The following CEP85L variants were observed in gnomAD, a reference collection of about 807,000 sequenced individuals.
The protein encoded by CEP85L is centrosomal protein 85L.
Under a neutral mutation model 100.3 loss-of-function variants are expected in CEP85L, and 60 were observed. The ratio of observed to expected loss-of-function variants is 0.60; its 90% confidence interval spans 0.49 to 0.74. The LOEUF (loss-of-function observed/expected upper bound fraction) is 0.74, where lower values mean the gene tolerates loss of function less well. CEP85L is among the 30% of genes least tolerant of loss of function. The probability of loss-of-function intolerance (pLI) is 0.00; values close to 1 mark genes in which losing one functional copy is unlikely to be tolerated. For missense variants in CEP85L, 973 were observed against 936.2 expected (o/e 1.04, Z -0.51); for synonymous variants, 319 against 322.7 (o/e 0.99, Z 0.12).
At chr6:118,625,363 C>T (rs1773720145) in intron 2 of CEP85L, among the ~76,000 whole-genome samples, 1 of 152,250 alleles carries the variant, frequency 6.6e-6, no homozygotes, top group African/African-American at 2.4e-5. Context: ...CCTTATACCC[C>T]AGTCCCGCCA....
rs371369563 is a variant in CEP85L at position 118,617,480 on chromosome 6, G to C, written c.232+14973C>G. 2.6e-5 allele frequency among the ~76,000 whole-genome samples: 4 copies of C among 152,118 alleles called. No homozygotes were observed. In the East Asian group the frequency reaches 7.7e-4, roughly 29 times the overall value. On this transcript the variant is annotated intron_variant, in intron 2 of 12. Coordinates refer to ENST00000368491, the MANE Select transcript of CEP85L (RefSeq NM_001042475.3). ...CTGCAAGGCCATAAATCAGGTAAGC[G>C]TAAGTCGCAATTTCAGTTTTTCTCA...
chr6:118,643,982 AC>A (rs2115359886), intron 1 of CEP85L, among the ~76,000 whole-genome samples: 1 of 152,330 alleles, frequency 6.6e-6, no homozygotes, highest in Non-Finnish European at 1.5e-5. Context: ...CGTCAGGCAA[AC>A]CCAGACAACT....
At chr6:118,602,415 A>G (rs531823764) in intron 2 of CEP85L, among the ~76,000 whole-genome samples, 6 of 152,338 alleles carry the variant, frequency 3.9e-5, no homozygotes, top group Admixed American at 3.9e-4. Context: ...ACAACTGTTG[A>G]AACCAAGTTG....
Position 118,565,464 on chromosome 6 carries a change from G to GT in CEP85L, c.1020+64dup, listed in dbSNP as rs771784125. ...TGTGAACACTTGTTATATGCTTACT[G>GT]TAAGTGTGCTACTGTACTCATAACA... On this transcript the variant is annotated intron_variant, in intron 3 of 12. Transcript: ENST00000368491. The GT allele has an allele frequency of 1.1e-4, 150 of 1,421,224 alleles. 1 individual carries two copies. In the Middle Eastern group the frequency reaches 1.8e-3, roughly 17 times the overall value. The allele number at this position is 1,421,224 out of a possible 1,614,324, so 88.0% of individuals were successfully genotyped here.
intron 2 of CEP85L, among the ~76,000 whole-genome samples, chr6:118,582,694 G>T (rs1780642154): frequency 6.6e-6 from 1 of 152,300 alleles, no homozygotes; most frequent in African/African-American, 2.4e-5. Context: ...TAGACCAGAT[G>T]AGAATCCCAC....
chr6:118,500,267 C>A (rs1775195409), intron 5 of CEP85L, among the ~76,000 whole-genome samples: 1 of 151,990 alleles, frequency 6.6e-6, no homozygotes, highest in Non-Finnish European at 1.5e-5. Flanking sequence ...CTGCTGGGAG[C>A]CAAAAATGCC....
chr6:118,565,779 C>CCTGACA lies in CEP85L; in HGVS notation c.769_770insTGTCAG (p.Ser257delinsMetSerGly). Reference sequence around the variant, plus strand: ...AATGGGCTTGCTTTCAGGTAAGGCACTATATGTCATGTCTACAGGCTGTCT... The same window carrying CCTGACA: ...AATGGGCTTGCTTTCAGGTAAGGCACCTGACATATATGTCATGTCTACAGGCTGTCT... On this transcript the variant is annotated protein_altering_variant, in exon 3 of 13. Coordinates refer to ENST00000368491, the MANE Select transcript of CEP85L (RefSeq NM_001042475.3). The CCTGACA allele has an allele frequency of 6.2e-7, 1 of 1,614,130 alleles. No individual in the cohort carries two copies. The highest frequency in any genetic ancestry group is 8.5e-7 in the Non-Finnish European group (1 of 1,180,018).
chr6:118,646,529 T>C (rs534645647), intron 1 of CEP85L, among the ~76,000 whole-genome samples: 23 of 150,676 alleles, frequency 1.5e-4, no homozygotes, highest in Non-Finnish European at 3.0e-4. Flanking sequence ...ATTAGCCAGG[T>C]ATGGTGGTTT....
chr6:118,599,002 A>G (rs1056767685), intron 2 of CEP85L, among the ~76,000 whole-genome samples: 23 of 152,252 alleles, frequency 1.5e-4, no homozygotes, highest in African/African-American at 5.5e-4. Context: ...GTTTGGCTCA[A>G]TACTAATACT....
At chr6:118,602,614 A>G (rs566518171) in intron 2 of CEP85L, among the ~76,000 whole-genome samples, 3 of 150,730 alleles carry the variant, frequency 2.0e-5, no homozygotes, top group South Asian at 4.2e-4. Flanking sequence ...AGAATTTAAC[A>G]ACAAGTGTAC....
In CEP85L at chr6:118,666,498, A is replaced by G. The variant is rs539327727; in HGVS notation, c.-27-13690T>C. On this transcript the variant is annotated intron_variant, in intron 1 of 13. Coordinates refer to the CEP85L transcript ENST00000368488. ...GAGAGTCAATACCTATTGAATGTTT[A>G]CAACATGTCTGGCTCTGTTCTAAGA... 1.1e-3 allele frequency among the ~76,000 whole-genome samples: 175 copies of G among 152,304 alleles called. 1 individual carries two copies. Among genetic ancestry groups the G allele is most frequent in the African/African-American group, 3.8e-3 (156 of 41,570 alleles).
At chr6:118,577,113 C>A (rs1394354133) in intron 2 of CEP85L, among the ~76,000 whole-genome samples, 1 of 152,160 alleles carries the variant, frequency 6.6e-6, no homozygotes, top group African/African-American at 2.4e-5. Flanking sequence ...GGCTATCCAA[C>A]CCCGTACTAC....
chr6:118,529,915 T>C lies in CEP85L; in HGVS notation c.1021-5995A>G, dbSNP rs1302580799. Among the ~76,000 whole-genome samples, 5 of 152,148 alleles carry C rather than the reference T, an allele frequency of 3.3e-5. No homozygotes were observed. In the East Asian group the frequency reaches 9.6e-4, roughly 29 times the overall value. On this transcript the variant is annotated intron_variant, in intron 3 of 12. Transcript: ENST00000368491. ...GTTAATGTTTTCTTTTGTTTTATTA[T>C]AGACCAGGAGCTACTGTGGCTTGCA...
At chr6:118,630,133 C>T (rs1350104856) in intron 2 of CEP85L, among the ~76,000 whole-genome samples, 1 of 152,168 alleles carries the variant, frequency 6.6e-6, no homozygotes, top group Admixed American at 6.5e-5. Flanking sequence ...ATTAAATCTC[C>T]ACCTCAAAGT....
At chr6:118,542,616 G>A (rs1305254887) in intron 3 of CEP85L, among the ~76,000 whole-genome samples, 1 of 151,898 alleles carries the variant, frequency 6.6e-6, no homozygotes, top group Non-Finnish European at 1.5e-5. Context: ...CATAGAGTAA[G>A]GTAGAGAGAG....
At chr6:118,658,570 A>G (rs953449095) in intron 1 of CEP85L, among the ~76,000 whole-genome samples, 9 of 152,200 alleles carry the variant, frequency 5.9e-5, no homozygotes, top group Non-Finnish European at 4.4e-5. Context: ...TTAGCCTGAC[A>G]TAAATTCAAG....
chr6:118,609,729 T>C (rs891857955), intron 2 of CEP85L, among the ~76,000 whole-genome samples: 3 of 152,050 alleles, frequency 2.0e-5, no homozygotes, highest in African/African-American at 4.8e-5. Context: ...AAGTAGAATG[T>C]ACACTACAAC....
At position 118,626,621 on chromosome 6, in the gene CEP85L, C is replaced by T. The variant is rs1035646758; in HGVS notation, c.232+5832G>A. 5.3e-5 allele frequency among the ~76,000 whole-genome samples: 8 copies of T among 152,258 alleles called. No individual in the cohort carries two copies. In the South Asian group the frequency reaches 1.7e-3, roughly 32 times the overall value. On this transcript the variant is annotated intron_variant, in intron 2 of 12. Coordinates refer to ENST00000368491, the MANE Select transcript of CEP85L (RefSeq NM_001042475.3). ...CCTTAAAGAGTTTAAAAGGCAATCA[C>T]CCAAGCTAGCAGTGGCAACCCATTT...
At position 118,651,474 on chromosome 6, in the gene CEP85L, A is replaced by C; in HGVS notation, c.-205T>G. The C allele has an allele frequency of 7.6e-7, 1 of 1,310,872 alleles. No homozygotes were observed. The highest frequency in any genetic ancestry group is 9.7e-7 in the Non-Finnish European group (1 of 1,032,808). The allele number at this position is 1,310,872 out of a possible 1,614,324, so 81.2% of individuals were successfully genotyped here. A position where few individuals can be genotyped will look rare whatever the true frequency, so the allele number is the denominator to read the frequency against. ...CGCACTGCCGGCGCCTGCCATGGCC[A>C]AGCCGGCTGGGCTGAGGCCCGCGCC... On this transcript the variant is annotated 5_prime_UTR_variant, in exon 1 of 13. Coordinates refer to ENST00000368491, the MANE Select transcript of CEP85L (RefSeq NM_001042475.3).
Sources: gnomAD v4.1 joint callset for allele counts (sites outside exome capture counted in the v4.1 genomes callset) on GRCh38, gnomAD v4.1.1 for gene constraint, MANE v1.5 for transcripts, NCBI Gene and HGNC (gene_info 2026-07-23, HGNC 2026-07-21) for gene names.